Variants in MAP3K3 observed in about 807,000 individuals in gnomAD.
The protein encoded by MAP3K3 is mitogen-activated protein kinase kinase kinase 3.
In MAP3K3, 12 loss-of-function variants were observed where a neutral mutation model predicts 80.9. The observed-to-expected ratio is 0.15, with a 90% confidence interval of 0.10 to 0.24. The LOEUF (loss-of-function observed/expected upper bound fraction) is 0.24, where lower values mean the gene tolerates loss of function less well. Among genes scored for constraint, MAP3K3 ranks in the 10% least tolerant of loss-of-function variants. The pLI, the probability that MAP3K3 is intolerant of heterozygous loss-of-function variation, is 1.00. For missense variants in MAP3K3, 596 were observed against 834.7 expected (o/e 0.71, Z 3.52); for synonymous variants, 272 against 307.1 (o/e 0.89, Z 1.19).
At position 63,691,889 on chromosome 17, in the gene MAP3K3, C is replaced by T; in HGVS notation, c.1474+27C>T. The T allele has an allele frequency of 1.4e-5, 22 of 1,606,744 alleles. No individual in the cohort carries two copies. The highest frequency in any genetic ancestry group is 1.9e-5 in the Non-Finnish European group (22 of 1,174,296). ...TGAGCAGGGCCAGGATACATGGAGT[C>T]CCCAGGACCTGGGTTCAAGTCTACC... On this transcript the variant is annotated intron_variant, in intron 14 of 15. Coordinates refer to ENST00000361733, the MANE Select transcript of MAP3K3 (RefSeq NM_002401.5). This position sits in a 1 kb window ranked among gnomAD's most constrained non-coding sequence, Gnocchi z 4.8.
At chr17:63,628,666 A>G (rs763455679) in intron 1 of MAP3K3, among the ~76,000 whole-genome samples, 2 of 151,968 alleles carry the variant, frequency 1.3e-5, no homozygotes, top group African/African-American at 4.8e-5. Flanking sequence ...TGCCAATTCT[A>G]TCTTTTTTTT....
intron 8 of MAP3K3, 55 bp from the exon 9 acceptor site, chr17:63,688,472 G>C: frequency 7.1e-7 from 1 of 1,411,358 alleles, no homozygotes; most frequent in Admixed American, 1.7e-5. Flanking sequence ...TGGACGCCCT[G>C]CTTGGTTGCT....
chr17:63,692,856 T>C lies in MAP3K3; in HGVS notation c.1652+437T>C, dbSNP rs2143641208. 6.6e-6 allele frequency among the ~76,000 whole-genome samples: 1 copy of C among 152,312 alleles called. No homozygotes were observed. The highest frequency in any genetic ancestry group is 3.4e-3 in the Middle Eastern group (1 of 294). On this transcript the variant is annotated intron_variant, in intron 15 of 15. Transcript: ENST00000361733. This position sits in a 1 kb window ranked among gnomAD's most constrained non-coding sequence, Gnocchi z 4.5. ...AAAGCTATTGTGGTGGGCTGAATAA[T>C]GGCCCCCCCAAAGATGTCCACTGCC... is the stretch of plus-strand genomic sequence containing the variant.
At chr17:63,649,560 C>T (rs1460568848) in intron 3 of MAP3K3, among the ~76,000 whole-genome samples, 2 of 152,116 alleles carry the variant, frequency 1.3e-5, no homozygotes, top group African/African-American at 4.8e-5. Flanking sequence ...CCTGGGACAA[C>T]AGGCACACTG....
intron 8 of MAP3K3, 32 bp from the exon 9 acceptor site, chr17:63,688,495 G>A (rs541777442): frequency 1.3e-5 from 21 of 1,575,582 alleles, no homozygotes; most frequent in African/African-American, 6.7e-5. Flanking sequence ...GGAAGTGTGC[G>A]GGAGTCTGTT....
At chr17:63,676,718 C>T (rs763385883) in intron 6 of MAP3K3, among the ~76,000 whole-genome samples, 3 of 152,166 alleles carry the variant, frequency 2.0e-5, no homozygotes, top group Non-Finnish European at 4.4e-5. Context: ...CACCACAGAG[C>T]GTCCTCCCTC....
chr17:63,670,315 G>A (rs1208165366), intron 6 of MAP3K3, among the ~76,000 whole-genome samples: 2 of 152,072 alleles, frequency 1.3e-5, no homozygotes, highest in African/African-American at 4.8e-5. Context: ...GGGCATGGTG[G>A]CTCACGCCTG....
chr17:63,637,613 G>C (rs916962418), intron 2 of MAP3K3, among the ~76,000 whole-genome samples: 1 of 152,144 alleles, frequency 6.6e-6, no homozygotes, highest in Non-Finnish European at 1.5e-5. Context: ...GTGAGCTTTG[G>C]GGAAAGCTTC....
chr17:63,633,239 A>T (rs1419684104), intron 2 of MAP3K3, among the ~76,000 whole-genome samples: 1 of 152,142 alleles, frequency 6.6e-6, no homozygotes, highest in African/African-American at 2.4e-5. Context: ...CAAAAAAAAA[A>T]AAAAAGTTAT....
At chr17:63,665,420 C>G (rs975977398) in intron 5 of MAP3K3, among the ~76,000 whole-genome samples, 1 of 152,102 alleles carries the variant, frequency 6.6e-6, no homozygotes, top group Admixed American at 6.5e-5. Context: ...CCGCCTCAGC[C>G]TCCCAAAGTG....
intron 2 of MAP3K3, among the ~76,000 whole-genome samples, chr17:63,643,734 A>G (rs927368730): frequency 6.6e-6 from 1 of 152,220 alleles, no homozygotes; most frequent in Admixed American, 6.5e-5. Context: ...TACAAACTTC[A>G]TAGAGCACTT....
chr17:63,691,275 G>A lies in MAP3K3; in HGVS notation c.1344+42G>A. The A allele has an allele frequency of 6.2e-7, 1 of 1,612,894 alleles. No individual in the cohort carries two copies. The highest frequency in any genetic ancestry group is 8.5e-7 in the Non-Finnish European group (1 of 1,179,524). On this transcript the variant is annotated intron_variant, in intron 13 of 15. Coordinates refer to ENST00000361733, the MANE Select transcript of MAP3K3 (RefSeq NM_002401.5). The surrounding 1 kb of genome is among the most constrained non-coding windows in gnomAD (Gnocchi z 4.8). ...TGCATGTGAGACACACACAAAAGAG[G>A]GCCTGACCTGGGGGCTGGGGCCTGC...
At chr17:63,628,053 GCACCAC>G (rs1185632157) in intron 1 of MAP3K3, among the ~76,000 whole-genome samples, 1 of 151,648 alleles carries the variant, frequency 6.6e-6, no homozygotes, top group Non-Finnish European at 1.5e-5. Flanking sequence ...TTACAGGTGT[GCACCAC>G]CACGCCCAGC....
At chr17:63,636,627 T>A (rs1598065503) in intron 2 of MAP3K3, 1 of 212,002 alleles carries the variant, frequency 4.7e-6, no homozygotes, top group East Asian at 1.2e-4. Flanking sequence ...AGAGCTTGCC[T>A]GGCCACAGGG....
Position 63,691,943 on chromosome 17 carries a change from A to C in MAP3K3, c.1474+81A>C. Reference sequence around the variant, plus strand: ...GAGTGCCTGCAGGGGCCAATCACTTAACCATTCTGAACTTTCTGAAAAGTG... The same window carrying C: ...GAGTGCCTGCAGGGGCCAATCACTTCACCATTCTGAACTTTCTGAAAAGTG... On this transcript the variant is annotated intron_variant, in intron 14 of 15. Coordinates refer to ENST00000361733, the MANE Select transcript of MAP3K3 (RefSeq NM_002401.5). This position sits in a 1 kb window ranked among gnomAD's most constrained non-coding sequence, Gnocchi z 4.8. 1 of 1,463,132 alleles carries C rather than the reference A, an allele frequency of 6.8e-7. No individual in the cohort carries two copies. Among genetic ancestry groups the C allele is most frequent in the Non-Finnish European group, 9.4e-7 (1 of 1,066,660 alleles). 90.6% of individuals were successfully genotyped at this position (1,463,132 alleles called of 1,614,324 possible).
At chr17:63,690,707 A>C in intron 12 of MAP3K3, 1 of 440,906 alleles carries the variant, frequency 2.3e-6, no homozygotes, top group Admixed American at 3.8e-5. Flanking sequence ...CCCCTAGACA[A>C]GTATCTCTCC....
intron 3 of MAP3K3, among the ~76,000 whole-genome samples, chr17:63,648,548 G>A (rs986274343): frequency 6.6e-6 from 1 of 152,166 alleles, no homozygotes; most frequent in Non-Finnish European, 1.5e-5. Flanking sequence ...AGTCTGGGCC[G>A]GGTGTGGTGG....
Position 63,691,933 on chromosome 17 carries a change from C to T in MAP3K3, c.1474+71C>T. 1 of 1,522,134 alleles carries T rather than the reference C, an allele frequency of 6.6e-7. No homozygotes were observed. Among genetic ancestry groups the T allele is most frequent in the South Asian group, 1.2e-5 (1 of 85,952 alleles). 94.3% of individuals were successfully genotyped at this position (1,522,134 alleles called of 1,614,324 possible). A position where few individuals can be genotyped will look rare whatever the true frequency, so the allele number is the denominator to read the frequency against. ...GTCTACCATTGAGTGCCTGCAGGGG[C>T]CAATCACTTAACCATTCTGAACTTT... On this transcript the variant is annotated intron_variant, in intron 14 of 15. Coordinates refer to ENST00000361733, the MANE Select transcript of MAP3K3 (RefSeq NM_002401.5). This position sits in a 1 kb window ranked among gnomAD's most constrained non-coding sequence, Gnocchi z 4.8.
At chr17:63,663,260 T>C (rs2034932466) in intron 5 of MAP3K3, among the ~76,000 whole-genome samples, 1 of 152,044 alleles carries the variant, frequency 6.6e-6, no homozygotes, top group African/African-American at 2.4e-5. Flanking sequence ...CCCAGCACTT[T>C]GGGAGGCTGA....
Sources: gnomAD v4.1 joint callset for allele counts (sites outside exome capture counted in the v4.1 genomes callset) on GRCh38, gnomAD v4.1.1 for gene constraint, Gnocchi (gnomAD v3.1) non-coding constraint, MANE v1.5 for transcripts, NCBI Gene and HGNC (gene_info 2026-07-23, HGNC 2026-07-21) for gene names.